PLPP3: variants seen among roughly 807,000 people sequenced by gnomAD.
PLPP3 encodes PAP2 beta.
A neutral mutation model predicts 29.6 loss-of-function variants in PLPP3; 6 were observed. The observed-to-expected ratio is 0.20, with a 90% CI of 0.11 to 0.40. PLPP3 has a LOEUF of 0.40. Among genes scored for constraint, PLPP3 ranks in the 10% least tolerant of loss-of-function variants. The probability of loss-of-function intolerance (pLI) is 1.00; values close to 1 mark genes in which losing one functional copy is unlikely to be tolerated. For synonymous variants in PLPP3, 152 were observed against 159.7 expected, an observed-to-expected ratio of 0.95 and a Z score of 0.36; for missense variants, 308 against 407.7, an observed-to-expected ratio of 0.76 and a Z score of 2.11.
chr1:56,530,279 A>C (rs2100257550), intron 2 of PLPP3, among the ~76,000 whole-genome samples: 1 of 138,502 alleles, frequency 7.2e-6, no homozygotes, highest in African/African-American at 2.8e-5. Flanking sequence ...TTCTGCTGTG[A>C]TCTCAGCTGC....
At position 56,579,421 on chromosome 1, in the gene PLPP3, G is replaced by A; in HGVS notation, c.-405C>T. The A allele has an allele frequency of 4.7e-6, 1 of 211,580 alleles. No individual in the cohort carries two copies. Among genetic ancestry groups the A allele is most frequent in the South Asian group, 6.2e-5 (1 of 16,110 alleles). The allele number at this position is 211,580 out of a possible 1,614,324, so 13.1% of individuals were successfully genotyped here. ...TGGTTCCTTAATGAATGGGAGCTGC[G>A]CTGAGCCCAGCAACTCCGGAGCGCC... On this transcript the variant is annotated 5_prime_UTR_variant, in exon 1 of 6. Coordinates refer to ENST00000371250, the MANE Select transcript of PLPP3 (RefSeq NM_003713.5).
At chr1:56,498,485 G>A (rs1434152701) in intron 5 of PLPP3, among the ~76,000 whole-genome samples, 1 of 152,076 alleles carries the variant, frequency 6.6e-6, no homozygotes, top group Non-Finnish European at 1.5e-5. Flanking sequence ...ATCTCCCCCA[G>A]TGGCCTTACT....
At chr1:56,509,426 C>A (rs1428805459) in intron 5 of PLPP3, among the ~76,000 whole-genome samples, 1 of 152,162 alleles carries the variant, frequency 6.6e-6, no homozygotes, top group Non-Finnish European at 1.5e-5. Context: ...AGCTTTGAGT[C>A]CATGAGAATC....
chr1:56,529,735 AC>A (rs1309060144), intron 2 of PLPP3, among the ~76,000 whole-genome samples: 1 of 152,176 alleles, frequency 6.6e-6, no homozygotes, highest in East Asian at 1.9e-4. Context: ...TTCTTCTGTC[AC>A]TTGGTTATCA....
intron 1 of PLPP3, among the ~76,000 whole-genome samples, chr1:56,566,946 G>A (rs1202620594): frequency 6.6e-6 from 1 of 152,180 alleles, no homozygotes; most frequent in Non-Finnish European, 1.5e-5. Flanking sequence ...GGGGAAAAGG[G>A]TGAAAAATCA....
intron 5 of PLPP3, among the ~76,000 whole-genome samples, chr1:56,506,199 T>C (rs906823643): frequency 6.6e-6 from 1 of 152,214 alleles, no homozygotes; most frequent in Admixed American, 6.5e-5. Flanking sequence ...TGGCTAAGCA[T>C]GCTTGGAATT....
Position 56,540,814 on chromosome 1 carries a change from A to G in PLPP3, c.140-3702T>C, listed in dbSNP as rs1402634206. On this transcript the variant is annotated intron_variant, in intron 1 of 5. Transcript: ENST00000371250. Reference sequence around the variant, plus strand: ...TAAACATCCCCCCAACTAGGCAGCTAGTCCAACTAGGCAACTAGGCAGAGA... The same window carrying G: ...TAAACATCCCCCCAACTAGGCAGCTGGTCCAACTAGGCAACTAGGCAGAGA... Among the ~76,000 whole-genome samples, 7 of 152,160 alleles carry G rather than the reference A, an allele frequency of 4.6e-5. No homozygotes were observed. The East Asian group carries it at 1.3e-3, about 29-fold the overall frequency.
At chr1:56,533,722 CA>C (rs1557505962) in intron 2 of PLPP3, among the ~76,000 whole-genome samples, 1 of 152,128 alleles carries the variant, frequency 6.6e-6, no homozygotes, top group East Asian at 1.9e-4. Flanking sequence ...ATTTGACAAC[CA>C]AAACAAGCCT....
At chr1:56,562,386 A>T (rs1211827359) in intron 1 of PLPP3, among the ~76,000 whole-genome samples, 1 of 152,206 alleles carries the variant, frequency 6.6e-6, no homozygotes, top group Admixed American at 6.5e-5. Flanking sequence ...ACGGGGGAGG[A>T]GAGACTATCA....
At chr1:56,570,757 AAAT>A (rs1362489475) in intron 1 of PLPP3, among the ~76,000 whole-genome samples, 1 of 152,180 alleles carries the variant, frequency 6.6e-6, no homozygotes, top group East Asian at 1.9e-4. Flanking sequence ...ATAAATAAAT[AAAT>A]AATAAAAAGC....
intron 2 of PLPP3, among the ~76,000 whole-genome samples, chr1:56,535,476 G>C (rs1645920492): frequency 6.6e-6 from 1 of 152,168 alleles, no homozygotes; most frequent in Non-Finnish European, 1.5e-5. Context: ...AAGCAATGCT[G>C]TTGCTCATTG....
chr1:56,507,159 A>G (rs1256055311), intron 5 of PLPP3, among the ~76,000 whole-genome samples: 1 of 152,222 alleles, frequency 6.6e-6, no homozygotes, highest in African/African-American at 2.4e-5. Context: ...AGACCCAGGT[A>G]AAAGTTCTCG....
At chr1:56,548,020 A>G (rs1646016741) in intron 1 of PLPP3, among the ~76,000 whole-genome samples, 1 of 152,202 alleles carries the variant, frequency 6.6e-6, no homozygotes, top group South Asian at 2.1e-4. Context: ...AAAATCTACT[A>G]TCAAGCTGTT....
At chr1:56,506,759 T>A (rs764228843) in intron 5 of PLPP3, among the ~76,000 whole-genome samples, 8 of 151,908 alleles carry the variant, frequency 5.3e-5, no homozygotes, top group Non-Finnish European at 1.0e-4. Flanking sequence ...ACTTAGTGAG[T>A]GTGTAGGCGG....
Position 56,579,045 on chromosome 1 carries a change from C to T in PLPP3, c.-29G>A. On this transcript the variant is annotated 5_prime_UTR_variant, in exon 1 of 6. Coordinates refer to ENST00000371250, the MANE Select transcript of PLPP3 (RefSeq NM_003713.5). ...GCTGGCTGCGGCGCGAGCCTCCCGC[C>T]CCGCGAAGACGTCCCGCAACAGCAG... 1 of 1,575,766 alleles carries T rather than the reference C, an allele frequency of 6.3e-7. No homozygotes were observed.
intron 1 of PLPP3, among the ~76,000 whole-genome samples, chr1:56,550,593 G>A (rs965235783): frequency 6.6e-6 from 1 of 152,112 alleles, no homozygotes; most frequent in Non-Finnish European, 1.5e-5. Flanking sequence ...GGGAGGAAGA[G>A]GGTTGCGAAG....
At chr1:56,519,271 CT>C (rs1338987135) in intron 4 of PLPP3, among the ~76,000 whole-genome samples, 3 of 152,172 alleles carry the variant, frequency 2.0e-5, no homozygotes, top group African/African-American at 7.2e-5. Flanking sequence ...TCTCCTCTAT[CT>C]TCATGTGACT....
rs1474049720 is a variant in PLPP3, at chr1:56,512,111, C to T, written c.675G>A (p.Leu225=). Residue 225 remains leucine, a synonymous_variant, in exon 5 of 6, where the codon CTG becomes CTA. Transcript: ENST00000371250. ...AGGTGAACTGCAGGAGGGGCCGGAG[C>T]AGGCGGGCTCCTCGCCAAGTGAAGC... ...QARFTWRGAR[L]LRPLLQFTLI... is the part of the protein sequence containing the mutation. 1 of 1,609,308 alleles carries T rather than the reference C, an allele frequency of 6.2e-7. No individual in the cohort carries two copies. Among genetic ancestry groups the T allele is most frequent in the Admixed American group, 1.7e-5 (1 of 58,664 alleles).
At chr1:56,576,883 G>A (rs1297334797) in intron 1 of PLPP3, among the ~76,000 whole-genome samples, 1 of 152,094 alleles carries the variant, frequency 6.6e-6, no homozygotes, top group Non-Finnish European at 1.5e-5. Context: ...TTACATCCCT[G>A]GCTAAACTAC....
Sources: gnomAD v4.1 joint callset for allele counts (sites outside exome capture counted in the v4.1 genomes callset) on GRCh38, gnomAD v4.1.1 for gene constraint, MANE v1.5 for transcripts, NCBI Gene and HGNC (gene_info 2026-07-23, HGNC 2026-07-21) for gene names.